NFASC: variants seen among roughly 807,000 people sequenced by gnomAD.
NFASC encodes neurofascin homolog.
In NFASC, 43 loss-of-function variants were observed where a neutral mutation model predicts 147.5. The ratio of observed to expected loss-of-function variants is 0.29; its 90% CI spans 0.23 to 0.38. The LOEUF (loss-of-function observed/expected upper bound fraction) is 0.38, where lower values mean the gene tolerates loss of function less well. Among genes scored for constraint, NFASC ranks in the 10% least tolerant of loss-of-function variants. NFASC has a pLI of 1.00. For synonymous variants in NFASC, 622 were observed against 665.5 expected, an observed-to-expected ratio of 0.93 and a Z score of 1.01; for missense variants, 1,320 against 1,689.0, an observed-to-expected ratio of 0.78 and a Z score of 3.83.
chr1:204,994,701 G>A (rs1040384524), intron 24 of NFASC, among the ~76,000 whole-genome samples: 3 of 152,216 alleles, frequency 2.0e-5, no homozygotes, highest in African/African-American at 7.2e-5. Flanking sequence ...TGTCGCCCAG[G>A]CTAGAGTGCA....
intron 1 of NFASC, among the ~76,000 whole-genome samples, chr1:204,886,718 G>A (rs551858538): frequency 1.3e-5 from 2 of 152,266 alleles, no homozygotes; most frequent in East Asian, 3.9e-4. Context: ...CCAGGGAGAC[G>A]CAACTCCCTT....
chr1:204,829,361 A>T (rs1310376637), intron 1 of NFASC, among the ~76,000 whole-genome samples: 1 of 149,918 alleles, frequency 6.7e-6, no homozygotes, highest in Non-Finnish European at 1.5e-5. Flanking sequence ...AGTCCCTCTC[A>T]AGAACCCCGC....
At chr1:204,887,754 G>A (rs923498094) in intron 1 of NFASC, among the ~76,000 whole-genome samples, 5 of 151,706 alleles carry the variant, frequency 3.3e-5, no homozygotes, top group African/African-American at 9.7e-5. Context: ...GTACCACAAC[G>A]CTCAGCTAAT....
Position 205,021,675 on chromosome 1 carries a change from G to C in NFASC, c.*5136G>C, listed in dbSNP as rs2096401517. ...TCATCTCACCACAGCTGCCTCCTTT[G>C]AAACAGAGGTATTAAGATCTGTCCT... is the stretch of plus-strand genomic sequence containing the variant. On this transcript the variant is annotated 3_prime_UTR_variant, in exon 30 of 30. Transcript: ENST00000339876. The C allele has an allele frequency of 6.5e-6, 1 of 153,490 alleles. No individual in the cohort carries two copies. The allele number at this position is 153,490 out of a possible 1,614,324, so 9.5% of individuals were successfully genotyped here. A position where few individuals can be genotyped will look rare whatever the true frequency, so the allele number is the denominator to read the frequency against.
In NFASC at chr1:204,935,945, A is replaced by G. The variant is rs1043613565; in HGVS notation, c.-90-8281A>G. Among the ~76,000 whole-genome samples the G allele has an allele frequency of 2.6e-5, 4 of 152,102 alleles. 1 individual carries two copies. Among genetic ancestry groups the G allele is most frequent in the Admixed American group, 2.6e-4 (4 of 15,274 alleles). On this transcript the variant is annotated intron_variant, in intron 2 of 29. Coordinates refer to ENST00000339876, the MANE Select transcript of NFASC (RefSeq NM_001005388.3). The stretch of plus-strand genomic sequence containing the variant: ...TTATGTCAGTCACTCTCCTTTCCCA[A>G]TCTGCCTTTACTGTGGTTCTTCCTT...
At chr1:205,007,815 C>T (rs1032681349) in intron 27 of NFASC, among the ~76,000 whole-genome samples, 5 of 152,092 alleles carry the variant, frequency 3.3e-5, no homozygotes, top group African/African-American at 1.2e-4. Flanking sequence ...TGATGGAGCC[C>T]GACAGGTCAG....
At chr1:204,919,372 T>C (rs1402534297) in intron 1 of NFASC, among the ~76,000 whole-genome samples, 1 of 152,226 alleles carries the variant, frequency 6.6e-6, no homozygotes, top group Non-Finnish European at 1.5e-5. Flanking sequence ...TTTTATTGTC[T>C]TTTTTAAAAA....
At chr1:204,925,783 A>C (rs774114975) in intron 2 of NFASC, among the ~76,000 whole-genome samples, 10 of 152,228 alleles carry the variant, frequency 6.6e-5, no homozygotes, top group Non-Finnish European at 1.0e-4. Flanking sequence ...CAGAATAAGC[A>C]GCTTGATTTG....
chr1:204,945,754 G>A (rs989634928), intron 3 of NFASC, among the ~76,000 whole-genome samples: 1 of 152,234 alleles, frequency 6.6e-6, no homozygotes, highest in Non-Finnish European at 1.5e-5. Context: ...AACTGTCTGC[G>A]AGGCTGGCTC....
At chr1:204,884,392 C>T (rs1208843458) in intron 1 of NFASC, among the ~76,000 whole-genome samples, 1 of 152,018 alleles carries the variant, frequency 6.6e-6, no homozygotes, top group Non-Finnish European at 1.5e-5. Context: ...AAGTCAATAC[C>T]CCTTGGGTAT....
Position 205,001,246 on chromosome 1 carries a change from T to C in NFASC, c.3096T>C (p.Asn1032=). The C allele has an allele frequency of 6.2e-7, 1 of 1,612,516 alleles. No homozygotes were observed. The highest frequency in any genetic ancestry group is 2.2e-5 in the East Asian group (1 of 44,820). The change falls in exon 26 of 30, where the codon AAT becomes AAC. Residue 1032 remains asparagine (N), a synonymous_variant. Transcript: ENST00000339876. Reference sequence around the variant, plus strand: ...GGGCCAACATCACCTGGAAGCACAATTTCGGGCCCGGAACTGACTTTGTGG... The same window carrying C: ...GGGCCAACATCACCTGGAAGCACAACTTCGGGCCCGGAACTGACTTTGTGG... ...SKWANITWKH[N]FGPGTDFVVE...
chr1:205,008,381 G>C (rs1040457091), intron 27 of NFASC: 1 of 152,728 alleles, frequency 6.5e-6, no homozygotes. Context: ...GTGCCTTGGC[G>C]CCAGCTCCAT....
intron 2 of NFASC, among the ~76,000 whole-genome samples, chr1:204,942,984 G>A (rs1300762380): frequency 1.3e-5 from 2 of 152,196 alleles, no homozygotes; most frequent in African/African-American, 4.8e-5. Context: ...CAGAGAGCAG[G>A]CACTGGAGTC....
At chr1:204,946,822 C>G (rs781779816) in intron 3 of NFASC, 9 of 499,794 alleles carry the variant, frequency 1.8e-5, no homozygotes, top group Non-Finnish European at 3.6e-5. Flanking sequence ...TCGGCAGACC[C>G]CACGGGGCAT....
rs537464301 is a variant in NFASC, at chr1:204,882,343, G to A, written c.-199-38289G>A. The stretch of plus-strand genomic sequence containing the variant: ...GCCCCACAGTTCCCCCTGCTCTGCC[G>A]GGCTGTCTTTAGGCTTTTCCTCAAT... On this transcript the variant is annotated intron_variant, in intron 1 of 29. Coordinates refer to ENST00000339876, the MANE Select transcript of NFASC (RefSeq NM_001005388.3). Among the ~76,000 whole-genome samples the A allele has an allele frequency of 1.8e-3, 269 of 152,092 alleles. 1 individual carries two copies. The highest frequency in any genetic ancestry group is 6.0e-3 in the African/African-American group (250 of 41,472).
At chr1:204,990,286 C>T (rs2095697397) in intron 23 of NFASC, 1 of 152,206 alleles carries the variant, frequency 6.6e-6, no homozygotes, top group East Asian at 1.9e-4. Flanking sequence ...AGGTTAGTGG[C>T]TGATGTGTGT....
At chr1:204,928,082 A>C (rs1305058514) in intron 2 of NFASC, among the ~76,000 whole-genome samples, 1 of 152,106 alleles carries the variant, frequency 6.6e-6, no homozygotes, top group Non-Finnish European at 1.5e-5. Context: ...TTTTCTTTAC[A>C]TCCTGTTTTA....
chr1:204,982,898 A>G (rs2794868), intron 21 of NFASC, among the ~76,000 whole-genome samples: 147,278 of 152,298 alleles, frequency 0.97, 71,238 homozygotes, highest in East Asian at 1. Flanking sequence ...GGCCAGTGGC[A>G]TTCCTAACAG....
intron 27 of NFASC, among the ~76,000 whole-genome samples, chr1:205,007,236 T>TA (rs556899822): frequency 3.3e-5 from 5 of 150,874 alleles, no homozygotes; most frequent in Admixed American, 2.6e-4. Flanking sequence ...TTACTAAAAT[T>TA]AAAAAAACAA....
Sources: gnomAD v4.1 joint callset for allele counts (sites outside exome capture counted in the v4.1 genomes callset) on GRCh38, gnomAD v4.1.1 for gene constraint, MANE v1.5 for transcripts, NCBI Gene and HGNC (gene_info 2026-07-23, HGNC 2026-07-21) for gene names.